The following HCN2 variants were observed in gnomAD, a reference collection of about 807,000 sequenced individuals.
HCN2 encodes hyperpolarization activated cyclic nucleotide gated potassium and sodium channel 2.
In HCN2, 20 loss-of-function variants were observed where a neutral mutation model predicts 52.3. The ratio of observed to expected loss-of-function variants is 0.38; its 90% CI spans 0.27 to 0.56. The LOEUF is 0.56. HCN2 is among the 20% of genes least tolerant of loss of function. The pLI is 0.71. For missense variants in HCN2, 981 were observed against 1,207.7 expected, an observed-to-expected ratio of 0.81 and a Z score of 2.78; for synonymous variants, 694 against 537.0, an observed-to-expected ratio of 1.29 and a Z score of -4.04.
intron 1 of HCN2, 71 bp from the exon 2 acceptor site, chr19:603,473 A>T: frequency 8.0e-7 from 1 of 1,256,240 alleles, no homozygotes; most frequent in South Asian, 1.4e-5. Context: ...CCCAAGGAAG[A>T]GTGCCCGGGG....
At chr19:604,026 GCGGGGC>G in intron 2 of HCN2, 59 bp downstream of exon 2, 2 of 1,334,262 alleles carry the variant, frequency 1.5e-6, no homozygotes, top group Non-Finnish European at 2.0e-6. Flanking sequence ...TGGTGCATGG[GCGGGGC>G]CAAGGCAGCA....
intron 2 of HCN2, among the ~76,000 whole-genome samples, chr19:604,856 GGGC>G (rs1983363066): frequency 2.7e-5 from 1 of 37,326 alleles, no homozygotes; most frequent in African/African-American, 2.0e-4. Context: ...CTGTAGAGGT[GGGC>G]GGGGTCCTGG....
intron 1 of HCN2, among the ~76,000 whole-genome samples, chr19:596,509 C>G (rs905250402): frequency 6.6e-6 from 1 of 152,228 alleles, no homozygotes; most frequent in East Asian, 1.9e-4. Flanking sequence ...GCAGGACCCC[C>G]GCGTTTCCGA....
At chr19:595,742 C>T (rs994447152) in intron 1 of HCN2, among the ~76,000 whole-genome samples, 13 of 152,254 alleles carry the variant, frequency 8.5e-5, no homozygotes, top group Admixed American at 3.3e-4. Flanking sequence ...CTCCCCCACC[C>T]GTAGCAGCTC....
In HCN2 at chr19:615,740, C is replaced by A. The variant is rs148429009; in HGVS notation, c.1991-55C>A. The A allele has an allele frequency of 3.3e-4, 529 of 1,586,592 alleles. 5 individuals are homozygous for A. The African/African-American group carries it at 6.3e-3, about 19-fold the overall frequency. ...GCGGTGCAGAGTAGGTGCTCGGTGCCCGCTGTACGCAGCAGGCGCTCCCTG... is the reference window on the plus strand; with the variant it reads ...GCGGTGCAGAGTAGGTGCTCGGTGCACGCTGTACGCAGCAGGCGCTCCCTG... On this transcript the variant is annotated intron_variant, in intron 7 of 7. Coordinates refer to ENST00000251287, the MANE Select transcript of HCN2 (RefSeq NM_001194.4).
intron 5 of HCN2, 46 bp from the exon 6 acceptor site, chr19:613,202 C>T (rs1307871853): frequency 1.3e-6 from 2 of 1,561,158 alleles, no homozygotes; most frequent in Non-Finnish European, 1.7e-6. Context: ...GAGGGGGAAG[C>T]GGGAGTGGGG....
chr19:615,438 C>T (rs779126725), intron 7 of HCN2, among the ~76,000 whole-genome samples: 7 of 152,148 alleles, frequency 4.6e-5, no homozygotes, highest in South Asian at 2.1e-4. Flanking sequence ...GGTGTGAACC[C>T]GGGAGGTGGA....
chr19:590,717 G>A lies in HCN2; in HGVS notation c.632+140G>A. On this transcript the variant is annotated intron_variant, in intron 1 of 7. Transcript: ENST00000251287. This position sits in a 1 kb window ranked among gnomAD's most constrained non-coding sequence, Gnocchi z 7.2. ...GGGGCTCCTCGGTGACCTCGGGCGT[G>A]TCCGGGACCCGCCCCGGAGTGACCC... 3.5e-6 allele frequency: 2 copies of A among 573,446 alleles called. No individual in the cohort carries two copies. Among genetic ancestry groups the A allele is most frequent in the Non-Finnish European group, 5.0e-6 (2 of 400,538 alleles). 35.5% of individuals were successfully genotyped at this position (573,446 alleles called of 1,614,324 possible).
chr19:604,666 G>A (rs1317137145), intron 2 of HCN2, among the ~76,000 whole-genome samples: 2 of 140,616 alleles, frequency 1.4e-5, no homozygotes, highest in Non-Finnish European at 3.1e-5. Flanking sequence ...GGGTTGTGCT[G>A]GGCGGGGTCA....
chr19:604,589 T>C (rs1983338198), intron 2 of HCN2, among the ~76,000 whole-genome samples: 1 of 67,364 alleles, frequency 1.5e-5, no homozygotes, highest in African/African-American at 8.0e-5. Context: ...CTGAGCGGGG[T>C]CAGACATCCG....
At chr19:593,048 C>T (rs1259179705) in intron 1 of HCN2, among the ~76,000 whole-genome samples, 1 of 152,210 alleles carries the variant, frequency 6.6e-6, no homozygotes, top group Non-Finnish European at 1.5e-5. Context: ...CTTCACCTCC[C>T]CTTCCTGCTG....
Position 613,608 on chromosome 19 carries a change from CGGGGATGGGGATGGGGATGGGGAT to C in HCN2, c.1825+125_1825+148del, listed in dbSNP as rs1211883953. On this transcript the variant is annotated intron_variant, in intron 6 of 7. Coordinates refer to ENST00000251287, the MANE Select transcript of HCN2 (RefSeq NM_001194.4). The stretch of plus-strand genomic sequence containing the variant: ...ATGGGGATGGGGATGGGGATGGGGC[CGGGGATGGGGATGGGGATGGGGAT>C]GGGGCCGGGGATGGGGATGGGGATG... 70 of 68,874 alleles carry C rather than the reference CGGGGATGGGGATGGGGATGGGGAT, an allele frequency of 1.0e-3. 4 individuals are homozygous for C. The highest frequency in any genetic ancestry group is 7.6e-3 in the African/African-American group (48 of 6,342). 4.3% of individuals were successfully genotyped at this position (68,874 alleles called of 1,614,324 possible). A position where few individuals can be genotyped will look rare whatever the true frequency, so the allele number is the denominator to read the frequency against.
chr19:597,750 CCTCCTGGTGGTTTCTAGGT>C (rs1983078021), intron 1 of HCN2, among the ~76,000 whole-genome samples: 1 of 151,052 alleles, frequency 6.6e-6, no homozygotes, highest in South Asian at 2.1e-4. Context: ...GTTTCTAGGT[CCTCCTGGTGGTTTCTAGGT>C]CCCCCTTGGT....
chr19:604,904 G>A (rs1161287063), intron 2 of HCN2, among the ~76,000 whole-genome samples, 157 bp from the exon 3 acceptor site: 2 of 135,914 alleles, frequency 1.5e-5, no homozygotes, highest in East Asian at 2.3e-4. Context: ...CGGGGGTCCC[G>A]GGGCAGGGCT....
In HCN2 at chr19:616,198, G is replaced by C. The variant is rs1415509233; in HGVS notation, c.2394G>C (p.Leu798=). ...CGCGGACCTCGCCCTACGGCGGCCTGCCCGCCGCCCCCCTTGCTGGGCCCG... is the reference window on the plus strand; with the variant it reads ...CGCGGACCTCGCCCTACGGCGGCCTCCCCGCCGCCCCCCTTGCTGGGCCCG... ...RAPRTSPYGG[L]PAAPLAGPAL... is the part of the protein sequence containing the mutation. Residue 798 remains leucine (L), a synonymous_variant, in exon 8 of 8, where the codon CTG becomes CTC. Transcript: ENST00000251287. The C allele has an allele frequency of 7.1e-6, 7 of 981,936 alleles. No individual in the cohort carries two copies. The highest frequency in any genetic ancestry group is 1.8e-5 in the African/African-American group (1 of 55,824). The allele number at this position is 981,936 out of a possible 1,614,324, so 60.8% of individuals were successfully genotyped here. A position where few individuals can be genotyped will look rare whatever the true frequency, so the allele number is the denominator to read the frequency against.
intron 1 of HCN2, among the ~76,000 whole-genome samples, chr19:596,151 G>A (rs535013021): frequency 4.6e-5 from 7 of 152,236 alleles, no homozygotes; most frequent in Admixed American, 6.5e-5. Context: ...GGGGACCTGC[G>A]TCGGCTTTGG....
Position 613,853 on chromosome 19 carries a change from G to A in HCN2, c.1827G>A (p.Glu609=), listed in dbSNP as rs767584693. 10 of 1,581,562 alleles carry A rather than the reference G, an allele frequency of 6.3e-6. No individual in the cohort carries two copies. The highest frequency in any genetic ancestry group is 6.9e-6 in the Non-Finnish European group (8 of 1,165,546). Residue 609 remains glutamate (E), a splice_region_variant and synonymous_variant, in exon 7 of 8, where the codon GAG becomes GAA. Coordinates refer to ENST00000251287, the MANE Select transcript of HCN2 (RefSeq NM_001194.4). ...CCCCCCCCTGCGCGCCACGTGCAGA[G>A]ATCTGCCTGCTCACCCGGGGCCGCC... ...MKLSDGSYFG[E]ICLLTRGRRT...
chr19:613,168 G>A (rs1983719597), intron 5 of HCN2, 80 bp from the exon 6 acceptor site: 3 of 1,502,140 alleles, frequency 2.0e-6, no homozygotes, highest in Non-Finnish European at 2.7e-6. Flanking sequence ...GGTCCGAGAG[G>A]TGAGCCGGTC....
In HCN2 at chr19:590,268, A is replaced by C; in HGVS notation, c.323A>C (p.Gln108Pro). Residue 108 changes from glutamine (Q) to proline (P), a missense_variant, in exon 1 of 8, where the codon CAG becomes CCG. Around this residue, in one of 6 missense-constraint regions of HCN2, gnomAD observed 215 missense variants for 179.4 expected, o/e 1.20. Transcript: ENST00000251287. The surrounding 1 kb of genome is among the most constrained non-coding windows in gnomAD (Gnocchi z 7.2). ...GGCGAGTGCGGGCGCGGCGAGCCGC[A>C]GTGCAGCCCCGCGGGGCCCGAGGGC... ...PNGECGRGEP[Q>P]CSPAGPEGPA... 1.0e-6 allele frequency: 1 copy of C among 985,706 alleles called. No individual in the cohort carries two copies. The highest frequency in any genetic ancestry group is 1.2e-6 in the Non-Finnish European group (1 of 832,662). 61.1% of individuals were successfully genotyped at this position (985,706 alleles called of 1,614,324 possible).
Sources: allele counts gnomAD v4.1 joint callset (sites outside exome capture counted in the v4.1 genomes callset), GRCh38; gene constraint gnomAD v4.1.1; regional missense constraint gnomAD v4.1.1; non-coding constraint Gnocchi (gnomAD v3.1); transcripts MANE v1.5; gene names NCBI Gene and HGNC (gene_info 2026-07-23, HGNC 2026-07-21).